The following CACNA1E variants were observed in gnomAD, a reference collection of about 807,000 sequenced individuals.
CACNA1E encodes voltage-dependent R-type calcium channel subunit alpha-1E.
A neutral mutation model predicts 259.2 loss-of-function variants in CACNA1E; 40 were observed. The observed-to-expected ratio is 0.15, with a 90% CI of 0.12 to 0.20. The LOEUF is 0.20. Ranked by LOEUF, CACNA1E falls within the 10% of genes least tolerant of loss-of-function variation. The pLI, the probability that CACNA1E is intolerant of heterozygous loss-of-function variation, is 1.00. For synonymous variants in CACNA1E, 1,104 were observed against 1,138.5 expected (o/e 0.97, Z 0.61); for missense variants, 1,874 against 3,040.1 (o/e 0.62, Z 9.02).
At chr1:181,425,726 CCTTCT>C (rs1446097993) in intron 2 of CACNA1E, among the ~76,000 whole-genome samples, 1 of 152,096 alleles carries the variant, frequency 6.6e-6, no homozygotes, top group Non-Finnish European at 1.5e-5. Context: ...ACACTGTCCT[CCTTCT>C]CTTCTCTTCT....
At chr1:181,746,563 C>T (rs143186481) in intron 25 of CACNA1E, among the ~76,000 whole-genome samples, 2 of 152,278 alleles carry the variant, frequency 1.3e-5, no homozygotes, top group East Asian at 1.9e-4. Context: ...ATAGATCTCT[C>T]CTCAACCTAC....
intron 7 of CACNA1E, among the ~76,000 whole-genome samples, chr1:181,673,630 C>T (rs1383448946): frequency 1.3e-5 from 2 of 152,194 alleles, no homozygotes; most frequent in African/African-American, 4.8e-5. Flanking sequence ...AGATGGTCCA[C>T]TGCCCAGAAA....
At chr1:181,775,943 G>A (rs926913112) in intron 37 of CACNA1E, among the ~76,000 whole-genome samples, 158 bp from the exon 38 acceptor site, 7 of 152,122 alleles carry the variant, frequency 4.6e-5, no homozygotes, top group African/African-American at 7.2e-5. Flanking sequence ...CAGCTGCTCC[G>A]CCCTCCTTGC....
chr1:181,420,106 A>G (rs189637776), intron 2 of CACNA1E, among the ~76,000 whole-genome samples: 189 of 152,230 alleles, frequency 1.2e-3, no homozygotes, highest in Non-Finnish European at 2.2e-3. Context: ...TCCACTGCTT[A>G]TACAGGTGAA....
Position 181,380,177 on chromosome 1 carries a change from T to C in CACNA1E, c.-14-32956T>C, listed in dbSNP as rs139340024. On this transcript the variant is annotated intron_variant, in intron 1 of 11. Transcript: ENST00000524607. ...GAAGGCAGAAAAAGAGGAAAAAACTTATCAATAAATACCGCACTTGAAAGA... is the reference window on the plus strand; with the variant it reads ...GAAGGCAGAAAAAGAGGAAAAAACTCATCAATAAATACCGCACTTGAAAGA... Among the ~76,000 whole-genome samples, 488 of 151,774 alleles carry C rather than the reference T, an allele frequency of 3.2e-3. 1 individual carries two copies. The highest frequency in any genetic ancestry group is 5.6e-3 in the Non-Finnish European group (377 of 67,896).
At chr1:181,795,531 C>T (rs1339344465) in intron 46 of CACNA1E, among the ~76,000 whole-genome samples, 1 of 149,008 alleles carries the variant, frequency 6.7e-6, no homozygotes, top group Admixed American at 6.7e-5. Flanking sequence ...AGCTCTGCCT[C>T]CCGGGTTCAC....
In CACNA1E at chr1:181,364,984, G is replaced by A. The variant is rs181072535; in HGVS notation, c.-15+46861G>A. On this transcript the variant is annotated intron_variant, in intron 1 of 11. Transcript: ENST00000524607. Reference sequence around the variant, plus strand: ...TCTGTACAAGCCTTTGGAAGCGTTCGTTAGCCAAGCCACCCCTGTCCCATT... The same window carrying A: ...TCTGTACAAGCCTTTGGAAGCGTTCATTAGCCAAGCCACCCCTGTCCCATT... 2.0e-4 allele frequency among the ~76,000 whole-genome samples: 31 copies of A among 152,228 alleles called. 1 individual carries two copies. In the East Asian group the frequency reaches 3.3e-3, roughly 16 times the overall value.
chr1:181,657,663 G>A (rs2102106645), intron 7 of CACNA1E, among the ~76,000 whole-genome samples: 1 of 152,340 alleles, frequency 6.6e-6, no homozygotes, highest in East Asian at 1.9e-4. Context: ...ACATCCGTGG[G>A]GGAAGGATTG....
intron 6 of CACNA1E, among the ~76,000 whole-genome samples, chr1:181,607,465 C>A (rs1173152554): frequency 6.6e-6 from 1 of 152,236 alleles, no homozygotes; most frequent in Admixed American, 6.5e-5. Context: ...GCACCTTCCT[C>A]CCCTTCCCAC....
chr1:181,455,416 A>G (rs1051283226), intron 2 of CACNA1E, among the ~76,000 whole-genome samples: 3 of 152,202 alleles, frequency 2.0e-5, no homozygotes, highest in Admixed American at 6.5e-5. Context: ...TGAGAGGATA[A>G]CGTGAGAAGA....
chr1:181,592,795 GCACA>G (rs150144781), intron 6 of CACNA1E, among the ~76,000 whole-genome samples: 1 of 151,016 alleles, frequency 6.6e-6, no homozygotes, highest in African/African-American at 2.4e-5. Context: ...TCCCATGCAT[GCACA>G]CACACACACA....
chr1:181,388,708 G>A (rs998928833), intron 1 of CACNA1E, among the ~76,000 whole-genome samples: 11 of 152,096 alleles, frequency 7.2e-5, no homozygotes, highest in Non-Finnish European at 1.3e-4. Context: ...GACCAACATG[G>A]AGAAACCCCG....
intron 2 of CACNA1E, among the ~76,000 whole-genome samples, chr1:181,419,398 A>T (rs946410805): frequency 2.6e-5 from 4 of 152,154 alleles, no homozygotes; most frequent in African/African-American, 9.7e-5. Context: ...TTTCCCATTT[A>T]TCAGGATGGC....
intron 6 of CACNA1E, among the ~76,000 whole-genome samples, chr1:181,607,343 T>C (rs1265346154): frequency 1.3e-5 from 2 of 152,208 alleles, no homozygotes; most frequent in African/African-American, 2.4e-5. Context: ...CAAATAAAGA[T>C]TGTTGCTTTT....
intron 3 of CACNA1E, among the ~76,000 whole-genome samples, chr1:181,529,028 C>T (rs1475696628): frequency 6.6e-6 from 1 of 152,198 alleles, no homozygotes; most frequent in East Asian, 1.9e-4. Context: ...TGTCAGAGAC[C>T]TTCATGGCAG....
chr1:181,407,717 A>T (rs1375919829), intron 1 of CACNA1E, among the ~76,000 whole-genome samples: 1 of 152,144 alleles, frequency 6.6e-6, no homozygotes, highest in African/African-American at 2.4e-5. Flanking sequence ...ATGAATATTT[A>T]TTTCTGCACA....
At position 181,793,768 on chromosome 1, in the gene CACNA1E, T is replaced by C. The variant is rs1661538833; in HGVS notation, c.6002T>C (p.Met2001Thr). The C allele has an allele frequency of 1.2e-6, 2 of 1,611,596 alleles. No individual in the cohort carries two copies. Among genetic ancestry groups the C allele is most frequent in the African/African-American group, 2.7e-5 (2 of 74,926 alleles). The change falls in exon 45 of 48, where the codon ATG (methionine) becomes ACG (threonine). Residue 2001 changes from methionine to threonine, a missense_variant. Physicochemically the swap from Met to Thr is moderately conservative, Grantham distance 81 (BLOSUM62 -1). Transcript: ENST00000367573. Reference protein sequence around the residue: ...EHAGSGRASSMPRLTVDPQVV... With the variant: ...EHAGSGRASSTPRLTVDPQVV... ...GCGGGATCTGGGAGGGCATCTTCTA[T>C]GCCACGTCTGACTGTGGATCCCCAG...
chr1:181,546,738 CT>C (rs1238218148), intron 3 of CACNA1E, among the ~76,000 whole-genome samples: 6 of 152,132 alleles, frequency 3.9e-5, no homozygotes, highest in Non-Finnish European at 8.8e-5. Context: ...CCTGTTCTGC[CT>C]CTTCATGACA....
At chr1:181,665,156 T>TACAC (rs10603505) in intron 7 of CACNA1E, among the ~76,000 whole-genome samples, 15 of 150,004 alleles carry the variant, frequency 1.0e-4, no homozygotes, top group African/African-American at 2.5e-4. Flanking sequence ...TATATACCTA[T>TACAC]ACACACACAC....
Sources: gnomAD v4.1 joint callset for allele counts (sites outside exome capture counted in the v4.1 genomes callset) on GRCh38, gnomAD v4.1.1 for gene constraint, MANE v1.5 for transcripts, NCBI Gene and HGNC (gene_info 2026-07-23, HGNC 2026-07-21) for gene names.